The following HIP1 variants were observed in gnomAD, a reference collection of about 807,000 sequenced individuals.
HIP1 encodes huntingtin-interacting protein 1.
A neutral mutation model predicts 147.6 loss-of-function variants in HIP1; 65 were observed. That is an observed-to-expected ratio of 0.44 (90% CI 0.36 to 0.54). The LOEUF (loss-of-function observed/expected upper bound fraction) is 0.54. Among genes scored for constraint, HIP1 ranks in the 20% least tolerant of loss-of-function variants. HIP1 has a pLI of 0.00. For synonymous variants in HIP1, 479 were observed against 504.0 expected (o/e 0.95, Z 0.67); for missense variants, 1,061 against 1,299.6 (o/e 0.82, Z 2.82).
chr7:75,703,143 G>T (rs905497381), intron 1 of HIP1, among the ~76,000 whole-genome samples: 3 of 151,762 alleles, frequency 2.0e-5, no homozygotes, highest in Non-Finnish European at 4.4e-5. Flanking sequence ...TGAAGTCAGG[G>T]GTCAAGACCA....
In HIP1 at chr7:75,534,156, T is replaced by C. The variant is rs1039326176; in HGVS notation, c.*4016A>G. 1.5e-4 allele frequency: 34 copies of C among 229,740 alleles called. No individual in the cohort carries two copies. The highest frequency in any genetic ancestry group is 7.1e-4 in the African/African-American group (32 of 45,166). 14.2% of individuals were successfully genotyped at this position (229,740 alleles called of 1,614,324 possible). ...GGGTCGAGGGGCCAAAGCCAACTAATCTGACCGGAGCGACATGTACCTGTG... is the reference window on the plus strand; with the variant it reads ...GGGTCGAGGGGCCAAAGCCAACTAACCTGACCGGAGCGACATGTACCTGTG... On this transcript the variant is annotated 3_prime_UTR_variant, in exon 31 of 31. Transcript: ENST00000336926.
At chr7:75,616,760 C>T (rs1275887842) in intron 1 of HIP1, among the ~76,000 whole-genome samples, 1 of 152,212 alleles carries the variant, frequency 6.6e-6, no homozygotes, top group African/African-American at 2.4e-5. Context: ...TCCACACATA[C>T]AGAGGCTGAT....
chr7:75,549,784 C>T (rs1794712330), intron 22 of HIP1, among the ~76,000 whole-genome samples: 1 of 151,848 alleles, frequency 6.6e-6, no homozygotes, highest in African/African-American at 2.4e-5. Flanking sequence ...ATTCTCCCAC[C>T]TCTACCACCA....
chr7:75,562,795 G>C (rs1381008715), intron 11 of HIP1, 140 bp downstream of exon 11: 1 of 789,012 alleles, frequency 1.3e-6, no homozygotes, highest in East Asian at 2.7e-5. Context: ...AGGATGCTCA[G>C]CCTAGGTTGG....
intron 1 of HIP1, among the ~76,000 whole-genome samples, chr7:75,721,120 T>C (rs1801491755): frequency 6.6e-6 from 1 of 151,774 alleles, no homozygotes; most frequent in South Asian, 2.1e-4. Flanking sequence ...CTCACACCTG[T>C]AATCCCAGCA....
At chr7:75,717,315 G>A (rs576019445) in intron 1 of HIP1, among the ~76,000 whole-genome samples, 1 of 152,232 alleles carries the variant, frequency 6.6e-6, no homozygotes, top group Non-Finnish European at 1.5e-5. Flanking sequence ...AAAAATGTGT[G>A]CAGGAAAGGA....
chr7:75,582,296 A>G, intron 5 of HIP1, 145 bp from the exon 6 acceptor site: 3 of 641,294 alleles, frequency 4.7e-6, no homozygotes, highest in Non-Finnish European at 8.4e-6. Context: ...TCAAGTTTAC[A>G]GTTCAAGGCC....
intron 1 of HIP1, among the ~76,000 whole-genome samples, chr7:75,657,702 C>CATA (rs1554512915): frequency 6.6e-6 from 1 of 151,830 alleles, no homozygotes; most frequent in African/African-American, 2.4e-5. Context: ...AGTGCACAGA[C>CATA]ATAATGCTGG....
chr7:75,728,521 G>A lies in HIP1; in HGVS notation c.120+10280C>T, dbSNP rs181259539. 4.0e-3 allele frequency among the ~76,000 whole-genome samples: 608 copies of A among 152,306 alleles called. 2 individuals carry two copies. The highest frequency in any genetic ancestry group is 6.4e-3 in the Non-Finnish European group (436 of 68,026). ...TGCCCGCTGCCACACCCAGGTCTCC[G>A]CCACACCTCGCCTTGAGGCAGTGGA... is the stretch of plus-strand genomic sequence containing the variant. On this transcript the variant is annotated intron_variant, in intron 1 of 30. Coordinates refer to ENST00000336926, the MANE Select transcript of HIP1 (RefSeq NM_005338.7).
At chr7:75,663,141 C>T (rs1053409025) in intron 1 of HIP1, among the ~76,000 whole-genome samples, 5 of 152,158 alleles carry the variant, frequency 3.3e-5, no homozygotes, top group African/African-American at 7.2e-5. Context: ...TCTGGTACAA[C>T]GACCAAGAAA....
intron 1 of HIP1, chr7:75,611,859 G>C (rs1797449703): frequency 9.8e-7 from 1 of 1,021,644 alleles, no homozygotes; most frequent in East Asian, 6.5e-5. Flanking sequence ...GGCACCGCAG[G>C]AAGGGCGCCT....
At chr7:75,704,985 A>G (rs963731040) in intron 1 of HIP1, among the ~76,000 whole-genome samples, 1 of 152,178 alleles carries the variant, frequency 6.6e-6, no homozygotes, top group African/African-American at 2.4e-5. Context: ...AATGCGTTTT[A>G]CTTTCTTTTC....
chr7:75,735,983 A>G (rs1179213927), intron 1 of HIP1, among the ~76,000 whole-genome samples: 1 of 151,986 alleles, frequency 6.6e-6, no homozygotes, highest in Non-Finnish European at 1.5e-5. Context: ...CTGAAATCCC[A>G]GCACTTTGGG....
chr7:75,620,933 C>G (rs144429239), intron 1 of HIP1, among the ~76,000 whole-genome samples: 43 of 152,002 alleles, frequency 2.8e-4, no homozygotes, highest in African/African-American at 1.0e-3. Flanking sequence ...GGGATACAGA[C>G]TTTAAAGTGA....
At chr7:75,613,235 A>G (rs932899415) in intron 1 of HIP1, among the ~76,000 whole-genome samples, 12 of 152,156 alleles carry the variant, frequency 7.9e-5, no homozygotes, top group African/African-American at 2.9e-4. Context: ...GATGACAGGG[A>G]GAGTACAGAA....
intron 1 of HIP1, among the ~76,000 whole-genome samples, chr7:75,655,497 G>T (rs188144419): frequency 6.6e-6 from 1 of 151,716 alleles, no homozygotes; most frequent in Non-Finnish European, 1.5e-5. Context: ...CAGGAGAGTC[G>T]CTGAAATCCA....
At chr7:75,595,283 C>CCTTCCTTCCTTCCTTCCTTTCTCT (rs1554501698) in intron 2 of HIP1, among the ~76,000 whole-genome samples, 1 of 83,402 alleles carries the variant, frequency 1.2e-5, no homozygotes, top group African/African-American at 7.5e-5. Context: ...TTCCTTCCTT[C>CCTTCCTTCCTTCCTTCCTTTCTCT]CTTTCTTTCT....
intron 1 of HIP1, among the ~76,000 whole-genome samples, chr7:75,693,424 G>A (rs1800524661): frequency 6.6e-6 from 1 of 152,102 alleles, no homozygotes; most frequent in African/African-American, 2.4e-5. Flanking sequence ...CACTTCTTCT[G>A]GCTGTCATCT....
At chr7:75,723,362 A>G (rs140127469) in intron 1 of HIP1, among the ~76,000 whole-genome samples, 22 of 152,122 alleles carry the variant, frequency 1.4e-4, no homozygotes, top group African/African-American at 4.8e-4. Context: ...ACAGAGCAAG[A>G]CTCCATCTCA....
Sources: allele counts gnomAD v4.1 joint callset (sites outside exome capture counted in the v4.1 genomes callset), GRCh38; gene constraint gnomAD v4.1.1; transcripts MANE v1.5; gene names NCBI Gene and HGNC (gene_info 2026-07-23, HGNC 2026-07-21).